Variants in SH3RF3 observed in about 807,000 individuals in gnomAD.
The protein encoded by SH3RF3 is E3 ubiquitin-protein ligase SH3RF3.
Under a neutral mutation model 66.3 loss-of-function variants are expected in SH3RF3, and 29 were observed. The ratio of observed to expected loss-of-function variants is 0.44; its 90% CI spans 0.33 to 0.60. The LOEUF is 0.60. Ranked by LOEUF, SH3RF3 falls within the 20% of genes least tolerant of loss-of-function variation. The pLI is 0.04. For synonymous variants in SH3RF3, 583 were observed against 532.0 expected (o/e 1.10, Z -1.32); for missense variants, 1,194 against 1,190.9 (o/e 1.00, Z -0.04).
At chr2:109,142,343 TCTA>T (rs1414771933) in intron 1 of SH3RF3, among the ~76,000 whole-genome samples, 1 of 152,178 alleles carries the variant, frequency 6.6e-6, no homozygotes, top group East Asian at 1.9e-4. Context: ...CATGTTATAT[TCTA>T]CTCTAAAATG....
intron 4 of SH3RF3, among the ~76,000 whole-genome samples, chr2:109,406,493 A>G (rs953666173): frequency 2.0e-5 from 3 of 152,094 alleles, no homozygotes; most frequent in Non-Finnish European, 2.9e-5. Flanking sequence ...CACTCATACT[A>G]TGAGTCACCG....
At chr2:109,351,506 G>A (rs1013180912) in intron 2 of SH3RF3, among the ~76,000 whole-genome samples, 1 of 152,210 alleles carries the variant, frequency 6.6e-6, no homozygotes, top group African/African-American at 2.4e-5. Context: ...TGCAAGATTC[G>A]GCAAGGGTTT....
At chr2:109,416,811 C>T (rs1241828336) in intron 4 of SH3RF3, among the ~76,000 whole-genome samples, 1 of 150,020 alleles carries the variant, frequency 6.7e-6, no homozygotes, top group South Asian at 2.1e-4. Flanking sequence ...GAGGCTAAGT[C>T]GGGAGAATCG....
intron 1 of SH3RF3, among the ~76,000 whole-genome samples, chr2:109,230,608 G>A (rs1679483949): frequency 1.3e-5 from 2 of 152,112 alleles, no homozygotes; most frequent in Non-Finnish European, 1.5e-5. Flanking sequence ...AAAAGAAACT[G>A]TAACCCCATT....
At chr2:109,341,782 C>G (rs909810303) in intron 1 of SH3RF3, among the ~76,000 whole-genome samples, 2 of 152,116 alleles carry the variant, frequency 1.3e-5, no homozygotes, top group African/African-American at 2.4e-5. Flanking sequence ...AAAACATGCT[C>G]CAGAATGTGC....
At chr2:109,249,505 CTT>C (rs1376485164) in intron 1 of SH3RF3, among the ~76,000 whole-genome samples, 1 of 43,254 alleles carries the variant, frequency 2.3e-5, no homozygotes, top group Non-Finnish European at 4.2e-5. Context: ...TTCTTTCTTT[CTT>C]TCATTCTTTC....
chr2:109,335,136 G>A (rs532793421), intron 1 of SH3RF3, among the ~76,000 whole-genome samples: 5 of 152,308 alleles, frequency 3.3e-5, no homozygotes, highest in African/African-American at 9.6e-5. Flanking sequence ...GAGCAGATTC[G>A]TCAGGACGTT....
chr2:109,199,842 T>A (rs867242806), intron 1 of SH3RF3, among the ~76,000 whole-genome samples: 1 of 53,618 alleles, frequency 1.9e-5, no homozygotes, highest in Non-Finnish European at 4.4e-5. Context: ...TGGAATGGAA[T>A]GGAATGGAAA....
At chr2:109,205,883 T>C (rs1168314924) in intron 1 of SH3RF3, among the ~76,000 whole-genome samples, 1 of 152,222 alleles carries the variant, frequency 6.6e-6, no homozygotes, top group Non-Finnish European at 1.5e-5. Flanking sequence ...TGTTTTTTCA[T>C]AGAAACCAAC....
At position 109,129,519 on chromosome 2, in the gene SH3RF3, G is replaced by T; in HGVS notation, c.-22G>T. 6.7e-7 allele frequency: 1 copy of T among 1,496,380 alleles called. No individual in the cohort carries two copies. Among genetic ancestry groups the T allele is most frequent in the South Asian group, 1.2e-5 (1 of 80,372 alleles). 92.7% of individuals were successfully genotyped at this position (1,496,380 alleles called of 1,614,324 possible). On this transcript the variant is annotated 5_prime_UTR_variant, in exon 1 of 10. Transcript: ENST00000309415. ...CCCCGGGACCTAGGCAGCCGCGCGA[G>T]ACCGCTGCGGGCGCCTCCCCCATGC...
intron 1 of SH3RF3, among the ~76,000 whole-genome samples, chr2:109,332,044 G>C (rs1682299920): frequency 6.6e-6 from 1 of 152,170 alleles, no homozygotes; most frequent in Non-Finnish European, 1.5e-5. Flanking sequence ...GTGGCTTTCT[G>C]CTTTAGCTAA....
chr2:109,376,682 T>A (rs993078728), intron 3 of SH3RF3, among the ~76,000 whole-genome samples: 1 of 152,228 alleles, frequency 6.6e-6, no homozygotes, highest in African/African-American at 2.4e-5. Context: ...GTGCTTTACT[T>A]ATCCTCAATA....
In SH3RF3 at chr2:109,437,015, C is replaced by T; in HGVS notation, c.1697C>T (p.Thr566Ile). 6.2e-7 allele frequency: 1 copy of T among 1,613,888 alleles called. No homozygotes were observed. The highest frequency in any genetic ancestry group is 8.5e-7 in the Non-Finnish European group (1 of 1,179,890). ...SGSLSSLATA[T>I]RPALPITTPQ... is the part of the protein sequence containing the mutation. ...AGTCTGAGCAGCCTGGCCACTGCCA[C>T]CAGGCCCGCCCTGCCCATCACCACT... The change falls in exon 7 of 10, where the codon ACC becomes ATC. Residue 566 changes from threonine to isoleucine, a missense_variant. Coordinates refer to ENST00000309415, the MANE Select transcript of SH3RF3 (RefSeq NM_001099289.3).
At position 109,201,224 on chromosome 2, in the gene SH3RF3, T is replaced by G. The variant is rs146691086; in HGVS notation, c.573+71111T>G. ...AATGATGCTTTAGTTTTGCCTCTTC[T>G]GCACTTAAAAACTCATTTTGCAAAG... is the stretch of plus-strand genomic sequence containing the variant. On this transcript the variant is annotated intron_variant, in intron 1 of 9. Transcript: ENST00000309415. Among the ~76,000 whole-genome samples, 696 of 152,370 alleles carry G rather than the reference T, an allele frequency of 4.6e-3. 5 individuals are homozygous for G. Among genetic ancestry groups the G allele is most frequent in the African/African-American group, 0.015 (622 of 41,596 alleles).
chr2:109,485,319 G>T (rs1678941505), intron 8 of SH3RF3, among the ~76,000 whole-genome samples: 1 of 152,326 alleles, frequency 6.6e-6, no homozygotes, highest in Middle Eastern at 3.4e-3. Context: ...ACATGTACAG[G>T]TTTACTTCAT....
chr2:109,159,784 A>G (rs1248554846), intron 1 of SH3RF3, among the ~76,000 whole-genome samples: 4 of 152,184 alleles, frequency 2.6e-5, no homozygotes. Context: ...TGAACTGCAC[A>G]TGCGGGGGAT....
intron 3 of SH3RF3, among the ~76,000 whole-genome samples, chr2:109,383,967 C>T (rs536721031): frequency 3.3e-5 from 5 of 152,356 alleles, no homozygotes; most frequent in South Asian, 2.1e-4. Context: ...TTCCTGGCTG[C>T]CACAAACAGT....
At chr2:109,400,289 G>A (rs1023146701) in intron 4 of SH3RF3, among the ~76,000 whole-genome samples, 1 of 151,438 alleles carries the variant, frequency 6.6e-6, no homozygotes, top group Non-Finnish European at 1.5e-5. Flanking sequence ...GCACTCCCAC[G>A]CACATGTGCA....
chr2:109,249,395 C>T (rs1415344303), intron 1 of SH3RF3, among the ~76,000 whole-genome samples: 1 of 152,202 alleles, frequency 6.6e-6, no homozygotes, highest in Non-Finnish European at 1.5e-5. Context: ...AACCAAAGCT[C>T]AGAGGATCTG....
Sources: gnomAD v4.1 joint callset for allele counts (sites outside exome capture counted in the v4.1 genomes callset) on GRCh38, gnomAD v4.1.1 for gene constraint, MANE v1.5 for transcripts, NCBI Gene and HGNC (gene_info 2026-07-23, HGNC 2026-07-21) for gene names.